The following CDC14A variants were observed in gnomAD, a reference collection of about 807,000 sequenced individuals.
CDC14A encodes cell division cycle 14A.
Under a neutral mutation model 74.4 loss-of-function variants are expected in CDC14A, and 53 were observed. The ratio of observed to expected loss-of-function variants is 0.71; its 90% CI spans 0.57 to 0.89. The LOEUF (loss-of-function observed/expected upper bound fraction) is 0.89. CDC14A is among the 40% of genes least tolerant of loss of function. The probability of loss-of-function intolerance (pLI) is 0.00; values close to 1 mark genes in which losing one functional copy is unlikely to be tolerated. For synonymous variants in CDC14A, 247 were observed against 258.4 expected (o/e 0.96, Z 0.43); for missense variants, 646 against 713.7 (o/e 0.91, Z 1.08).
intron 8 of CDC14A, among the ~76,000 whole-genome samples, chr1:100,459,934 A>C (rs1667153917): frequency 1.3e-5 from 2 of 152,218 alleles, no homozygotes; most frequent in Admixed American, 6.5e-5. Context: ...CTAACCGCTC[A>C]TGTTCATATC....
intron 4 of CDC14A, among the ~76,000 whole-genome samples, chr1:100,422,841 C>T (rs1662524573): frequency 6.6e-6 from 1 of 151,980 alleles, no homozygotes; most frequent in Non-Finnish European, 1.5e-5. Flanking sequence ...GTTTTCTAGT[C>T]CTGAAATATT....
chr1:100,443,079 C>A, intron 7 of CDC14A, 83 bp downstream of exon 7: 1 of 863,318 alleles, frequency 1.2e-6, no homozygotes, highest in Non-Finnish European at 1.9e-6. Flanking sequence ...TATTGCAAAT[C>A]GAGTGGGTGC....
At chr1:100,394,509 A>G (rs139265465) in intron 4 of CDC14A, among the ~76,000 whole-genome samples, 59 of 152,296 alleles carry the variant, frequency 3.9e-4, no homozygotes, top group African/African-American at 1.4e-3. Context: ...AAAGGATTAA[A>G]TTAGATGCGT....
intron 4 of CDC14A, among the ~76,000 whole-genome samples, chr1:100,398,669 G>A (rs11802081): frequency 0.07 from 10,618 of 152,150 alleles, 807 homozygotes; most frequent in African/African-American, 0.18. Flanking sequence ...TGTGGGACAG[G>A]TGAGCAATAA....
At chr1:100,416,226 C>T (rs186429993) in intron 4 of CDC14A, among the ~76,000 whole-genome samples, 104 of 152,276 alleles carry the variant, frequency 6.8e-4, no homozygotes, top group Non-Finnish European at 1.2e-3. Context: ...TTGCAGGTAA[C>T]TGGTGAGTGC....
chr1:100,459,103 A>G (rs1044373128), intron 8 of CDC14A, among the ~76,000 whole-genome samples: 5 of 139,450 alleles, frequency 3.6e-5, no homozygotes, highest in South Asian at 4.3e-4. Context: ...ACACACACGC[A>G]CACACACACA....
At chr1:100,476,190 T>C (rs1335238111) in intron 10 of CDC14A, among the ~76,000 whole-genome samples, 2 of 152,164 alleles carry the variant, frequency 1.3e-5, no homozygotes, top group Non-Finnish European at 2.9e-5. Flanking sequence ...CGGTGGCTCA[T>C]GCCTATAATC....
At chr1:100,408,260 T>C in intron 4 of CDC14A, among the ~76,000 whole-genome samples, 1 of 152,250 alleles carries the variant, frequency 6.6e-6, no homozygotes, top group East Asian at 1.9e-4. Flanking sequence ...TTCTTTTCAA[T>C]GACTGCATAG....
chr1:100,389,463 AT>A (rs1367566418), intron 3 of CDC14A, among the ~76,000 whole-genome samples: 40 of 117,468 alleles, frequency 3.4e-4, no homozygotes, highest in Admixed American at 5.5e-4. Flanking sequence ...AAAAAAAAAA[AT>A]ATATATATAT....
intron 11 of CDC14A, among the ~76,000 whole-genome samples, chr1:100,491,544 CTCTCTA>C (rs1298323958): frequency 5.8e-4 from 24 of 41,322 alleles, no homozygotes; most frequent in African/African-American, 1.6e-3. Flanking sequence ...CTCTCTCTCT[CTCTCTA>C]TATATATATA....
intron 15 of CDC14A, among the ~76,000 whole-genome samples, chr1:100,501,889 A>C (rs1193888210): frequency 1.3e-5 from 2 of 152,192 alleles, no homozygotes; most frequent in Admixed American, 1.3e-4. Flanking sequence ...TTTAGAAAGT[A>C]AATACTAAAG....
chr1:100,374,763 A>G (rs2100939721), intron 2 of CDC14A, among the ~76,000 whole-genome samples: 1 of 152,340 alleles, frequency 6.6e-6, no homozygotes, highest in East Asian at 1.9e-4. Context: ...GGCAGCAAAA[A>G]AATTAAATGA....
chr1:100,351,921 C>CATG, upstream of CDC14A: 2 of 933,930 alleles, frequency 2.1e-6, no homozygotes, highest in African/African-American at 3.3e-5. Flanking sequence ...TGGGGGGTGG[C>CATG]TGAAATGTTA....
chr1:100,411,099 A>G (rs1660640755), intron 4 of CDC14A, among the ~76,000 whole-genome samples: 1 of 151,838 alleles, frequency 6.6e-6, no homozygotes, highest in South Asian at 2.1e-4. Context: ...ACCCTTCTCC[A>G]CTCCCCATCC....
intron 4 of CDC14A, 193 bp from the exon 5 acceptor site, chr1:100,424,029 C>T (rs1557744959): frequency 1.9e-6 from 1 of 530,882 alleles, no homozygotes; most frequent in Non-Finnish European, 3.4e-6. Context: ...TAAGCTTACC[C>T]ATGGAGAAGA....
upstream of CDC14A, among the ~76,000 whole-genome samples, chr1:100,349,213 CGTT>C (rs1408623195): frequency 1.3e-5 from 2 of 151,706 alleles, no homozygotes; most frequent in Non-Finnish European, 2.9e-5. Flanking sequence ...AAAAAAAAGG[CGTT>C]GTTTTCAAAC....
chr1:100,468,182 G>A (rs764558011), intron 10 of CDC14A, 88 bp downstream of exon 10: 4 of 1,481,014 alleles, frequency 2.7e-6, no homozygotes, highest in Non-Finnish European at 3.7e-6. Context: ...ATGTCAGCCT[G>A]TGGTTATAAA....
At chr1:100,473,430 A>C (rs1668582738) in intron 10 of CDC14A, among the ~76,000 whole-genome samples, 1 of 151,816 alleles carries the variant, frequency 6.6e-6, no homozygotes, top group Admixed American at 6.6e-5. Flanking sequence ...CTTTTTGCCC[A>C]AGCTGGAGTC....
chr1:100,417,363 T>A (rs1345095328), intron 4 of CDC14A, among the ~76,000 whole-genome samples: 1 of 152,202 alleles, frequency 6.6e-6, no homozygotes, highest in Admixed American at 6.5e-5. Flanking sequence ...TGTGCCCTCG[T>A]ATATGTGCAG....
Sources: gnomAD v4.1 joint callset for allele counts (sites outside exome capture counted in the v4.1 genomes callset) on GRCh38, gnomAD v4.1.1 for gene constraint, MANE v1.5 for transcripts, NCBI Gene and HGNC (gene_info 2026-07-23, HGNC 2026-07-21) for gene names.